Variants in ABI3BP observed in about 807,000 individuals in gnomAD.
ABI3BP encodes ABI family member 3 binding protein, also known as target of Nesh-SH3.
A neutral mutation model predicts 268.6 loss-of-function variants in ABI3BP; 216 were observed. The ratio of observed to expected loss-of-function variants is 0.80; its 90% CI spans 0.72 to 0.90. The LOEUF is 0.90. Ranked by LOEUF, ABI3BP falls within the 40% of genes least tolerant of loss-of-function variation. The pLI is 0.00. For missense variants in ABI3BP, 2,090 were observed against 2,182.4 expected (o/e 0.96, Z 0.84); for synonymous variants, 730 against 730.0 (o/e 1.00, Z 0.00).
intron 14 of ABI3BP, among the ~76,000 whole-genome samples, chr3:100,858,513 A>T (rs1306364404): frequency 6.6e-6 from 1 of 152,238 alleles, no homozygotes; most frequent in South Asian, 2.1e-4. Context: ...AGAGTCTTTT[A>T]TATCCAAGAA....
At chr3:100,830,106 CATACATAT>C (rs1183745589) in intron 32 of ABI3BP, among the ~76,000 whole-genome samples, 125 of 76,880 alleles carry the variant, frequency 1.6e-3, no homozygotes, top group African/African-American at 6.3e-3. Context: ...TACATACATA[CATACATAT>C]ATATATATAT....
At chr3:100,807,639 T>C (rs1294670319) in intron 50 of ABI3BP, among the ~76,000 whole-genome samples, 1 of 152,052 alleles carries the variant, frequency 6.6e-6, no homozygotes, top group Admixed American at 6.6e-5. Flanking sequence ...ATATTTGTGG[T>C]GGGAATCCAG....
intron 61 of ABI3BP, among the ~76,000 whole-genome samples, chr3:100,771,217 C>G (rs1046053399): frequency 2.0e-5 from 3 of 152,124 alleles, no homozygotes; most frequent in African/African-American, 7.2e-5. Context: ...ATAGTTTAAA[C>G]TTCATACTTT....
intron 1 of ABI3BP, among the ~76,000 whole-genome samples, chr3:100,944,098 C>T (rs2070927317): frequency 6.6e-6 from 1 of 152,022 alleles, no homozygotes; most frequent in South Asian, 2.1e-4. Flanking sequence ...GACACCTTTC[C>T]CTCTCACTCC....
At position 100,963,016 on chromosome 3, in the gene ABI3BP, T is replaced by C. The variant is rs186086923; in HGVS notation, c.79+30290A>G. On this transcript the variant is annotated intron_variant, in intron 1 of 67. Transcript: ENST00000471714. ...TTTTTGGCCCTACATCTGACTCTTT[T>C]CTAGTACAGGAAATAACCATCACTC... is the stretch of plus-strand genomic sequence containing the variant. 4.1e-3 allele frequency among the ~76,000 whole-genome samples: 619 copies of C among 152,304 alleles called. 17 individuals carry two copies. The highest frequency in any genetic ancestry group is 0.038 in the Admixed American group (579 of 15,294).
At chr3:100,967,329 T>C (rs563586282) in intron 1 of ABI3BP, among the ~76,000 whole-genome samples, 2 of 151,926 alleles carry the variant, frequency 1.3e-5, no homozygotes, top group East Asian at 1.9e-4. Context: ...TGGTGAAATA[T>C]TGTCTCTGTC....
At chr3:100,827,665 C>A (rs1385446893) in intron 34 of ABI3BP, among the ~76,000 whole-genome samples, 2 of 152,096 alleles carry the variant, frequency 1.3e-5, no homozygotes, top group Non-Finnish European at 2.9e-5. Context: ...TCCTACTATA[C>A]TTTATCTTCT....
At chr3:100,866,672 G>A (rs567480799) in intron 10 of ABI3BP, among the ~76,000 whole-genome samples, 2 of 152,158 alleles carry the variant, frequency 1.3e-5, no homozygotes, top group South Asian at 4.2e-4. Flanking sequence ...TACAGCTTCT[G>A]TATTACATAT....
At chr3:100,939,659 G>C (rs1190163821) in intron 1 of ABI3BP, among the ~76,000 whole-genome samples, 1 of 152,104 alleles carries the variant, frequency 6.6e-6, no homozygotes, top group African/African-American at 2.4e-5. Context: ...GGCAGGGCAA[G>C]ATCACAGAAC....
At chr3:100,812,306 T>A (rs1264783614) in intron 46 of ABI3BP, among the ~76,000 whole-genome samples, 161 bp downstream of exon 46, 2 of 152,172 alleles carry the variant, frequency 1.3e-5, no homozygotes, top group Non-Finnish European at 2.9e-5. Flanking sequence ...GAACACAATG[T>A]GCTGTATACA....
chr3:100,973,728 TCAAATGGCAAAAACTA>T (rs1210581985), intron 1 of ABI3BP, among the ~76,000 whole-genome samples: 1 of 152,180 alleles, frequency 6.6e-6, no homozygotes, highest in East Asian at 1.9e-4. Context: ...TCTTGAAGCC[TCAAATGGCAAAAACTA>T]TATGACAGTT....
chr3:100,927,439 G>C (rs1280104402), intron 1 of ABI3BP, among the ~76,000 whole-genome samples: 16 of 152,122 alleles, frequency 1.1e-4, no homozygotes, highest in Admixed American at 1.0e-3. Flanking sequence ...ACAAAGGTTA[G>C]TGTATTAGTC....
At position 100,752,912 on chromosome 3, in the gene ABI3BP, T is replaced by C; in HGVS notation, c.4997A>G (p.Asn1666Ser). ...RDAIWTERPFNSDSYSECKGK... is the reference protein window; with the variant it reads ...RDAIWTERPFSSDSYSECKGK... ...CTTACACTCTGAGTAAGAGTCTGAA[T>C]TAAAGGGTCTTTCAGTCCAGATGGC... Residue 1666 changes from asparagine (N) to serine (S), a missense_variant, in exon 66 of 68, where the codon AAT (asparagine) becomes AGT (serine). By Grantham distance (46) the Asn-to-Ser change is conservative. Coordinates refer to ENST00000471714, the MANE Select transcript of ABI3BP (RefSeq NM_001375547.2). The C allele has an allele frequency of 6.2e-7, 1 of 1,613,424 alleles. No individual in the cohort carries two copies. Among genetic ancestry groups the C allele is most frequent in the African/African-American group, 1.3e-5 (1 of 75,026 alleles).
intron 1 of ABI3BP, among the ~76,000 whole-genome samples, chr3:100,984,084 T>C (rs2090751217): frequency 6.6e-6 from 1 of 152,028 alleles, no homozygotes; most frequent in African/African-American, 2.4e-5. Flanking sequence ...ACATACAAAT[T>C]GTCAAAAAGC....
chr3:100,957,048 T>C lies in ABI3BP; in HGVS notation c.80-30567A>G, dbSNP rs149688529. ...GAGCAGAGAAATGATTAAAATCTGA[T>C]TTATATTTTTACAGAATTACTTTGG... On this transcript the variant is annotated intron_variant, in intron 1 of 67. Coordinates refer to ENST00000471714, the MANE Select transcript of ABI3BP (RefSeq NM_001375547.2). 4.6e-5 allele frequency among the ~76,000 whole-genome samples: 7 copies of C among 152,292 alleles called. No homozygotes were observed. The East Asian group carries it at 1.4e-3, about 29-fold the overall frequency.
chr3:100,797,507 A>G (rs2097379902), intron 51 of ABI3BP, among the ~76,000 whole-genome samples: 1 of 113,420 alleles, frequency 8.8e-6, no homozygotes, highest in Admixed American at 8.4e-5. Flanking sequence ...ATAATGCTGG[A>G]AAAAAAATTA....
At position 100,763,668 on chromosome 3, in the gene ABI3BP, A is replaced by G. The variant is rs917447502; in HGVS notation, c.4850+2173T>C. Among the ~76,000 whole-genome samples, 6 of 152,214 alleles carry G rather than the reference A, an allele frequency of 3.9e-5. No homozygotes were observed. In the East Asian group the frequency reaches 1.2e-3, roughly 29 times the overall value. ...GAAGCAATTTCTAGAAACAGCTAGA[A>G]TAAGTCCTAAAACAATTACAACCAG... On this transcript the variant is annotated intron_variant, in intron 63 of 67. Transcript: ENST00000471714.
At chr3:100,939,481 A>C (rs911198579) in intron 1 of ABI3BP, among the ~76,000 whole-genome samples, 1 of 152,050 alleles carries the variant, frequency 6.6e-6, no homozygotes, top group Non-Finnish European at 1.5e-5. Flanking sequence ...AAAGCTGGGC[A>C]TCCGGGGAAG....
At chr3:100,831,089 T>C (rs2098484194) in intron 31 of ABI3BP, among the ~76,000 whole-genome samples, 1 of 152,212 alleles carries the variant, frequency 6.6e-6, no homozygotes, top group African/African-American at 2.4e-5. Flanking sequence ...AGAGCCCCTA[T>C]GGTGATCCCC....
Sources: allele counts gnomAD v4.1 joint callset (sites outside exome capture counted in the v4.1 genomes callset), GRCh38; gene constraint gnomAD v4.1.1; transcripts MANE v1.5; gene names NCBI Gene and HGNC (gene_info 2026-07-23, HGNC 2026-07-21).